Variants in COL4A4 observed in about 807,000 individuals in gnomAD.
COL4A4 encodes the protein collagen type IV alpha 4 chain, also known as collagen alpha-4(IV) chain.
Under a neutral mutation model 192.9 loss-of-function variants are expected in COL4A4, and 105 were observed. The observed-to-expected ratio is 0.54, with a 90% CI of 0.46 to 0.64. COL4A4 has a LOEUF of 0.64. COL4A4 is among the 30% of genes least tolerant of loss of function. The pLI, the probability that COL4A4 is intolerant of heterozygous loss-of-function variation, is 0.00. For synonymous variants in COL4A4, 762 were observed against 769.9 expected, an observed-to-expected ratio of 0.99 and a Z score of 0.17; for missense variants, 1,967 against 2,169.3, an observed-to-expected ratio of 0.91 and a Z score of 1.85.
chr2:227,101,177 C>T (rs889149338), intron 17 of COL4A4, among the ~76,000 whole-genome samples: 6 of 152,048 alleles, frequency 3.9e-5, no homozygotes, highest in Admixed American at 6.6e-5. Context: ...AGGAGTTTCC[C>T]TGTACAAACT....
At chr2:226,987,546 C>G in the COL4A4 span, among the ~76,000 whole-genome samples, 1 of 152,242 alleles carries the variant, frequency 6.6e-6, no homozygotes, top group Non-Finnish European at 1.5e-5. Flanking sequence ...CATTTGCACT[C>G]TCCCATCTCT....
chr2:226,995,870 C>T, the COL4A4 span: 9 of 236,850 alleles, frequency 3.8e-5, no homozygotes, highest in East Asian at 1.0e-4. Flanking sequence ...TTACACCAGT[C>T]GGGAAGATTA....
intron 37 of COL4A4, among the ~76,000 whole-genome samples, chr2:227,034,546 T>C (rs1969150128): frequency 6.6e-6 from 1 of 151,402 alleles, no homozygotes; most frequent in Non-Finnish European, 1.5e-5. Context: ...CTGTTCTTTT[T>C]TTTTTTTAAT....
intron 4 of COL4A4, among the ~76,000 whole-genome samples, chr2:227,137,076 G>C (rs1421278706): frequency 6.6e-6 from 1 of 152,184 alleles, no homozygotes; most frequent in Non-Finnish European, 1.5e-5. Context: ...GAAGACCACA[G>C]GCTCCCTGTT....
the COL4A4 span, among the ~76,000 whole-genome samples, chr2:226,977,612 G>A: frequency 9.9e-5 from 15 of 152,160 alleles, no homozygotes; most frequent in African/African-American, 3.6e-4. Flanking sequence ...AGGATCAAAC[G>A]CTGCACAGGG....
chr2:227,128,497 C>T (rs912427328), intron 4 of COL4A4, among the ~76,000 whole-genome samples: 7 of 152,152 alleles, frequency 4.6e-5, no homozygotes, highest in Non-Finnish European at 7.3e-5. Flanking sequence ...GTTAATTCAT[C>T]TCACACATTG....
intron 1 of COL4A4, among the ~76,000 whole-genome samples, chr2:227,161,541 C>T (rs1412223910): frequency 6.6e-6 from 1 of 152,088 alleles, no homozygotes; most frequent in Non-Finnish European, 1.5e-5. Flanking sequence ...TTAATTAACA[C>T]CACCTGTTTG....
chr2:227,030,315 A>G, intron 41 of COL4A4, 128 bp downstream of exon 41: 1 of 1,046,662 alleles, frequency 9.6e-7, no homozygotes, highest in Non-Finnish European at 1.5e-6. Context: ...CTTTGGGGAA[A>G]TAAGGACATT....
chr2:227,013,369 G>A (rs1194665008), intron 44 of COL4A4, among the ~76,000 whole-genome samples: 2 of 152,110 alleles, frequency 1.3e-5, no homozygotes, highest in Admixed American at 1.3e-4. Flanking sequence ...CCTAGTCCCC[G>A]TATCTCAGAA....
intron 33 of COL4A4, among the ~76,000 whole-genome samples, chr2:227,050,552 G>T (rs1197018016): frequency 6.6e-6 from 1 of 152,180 alleles, no homozygotes; most frequent in Non-Finnish European, 1.5e-5. Context: ...TACATGTATT[G>T]TACCTCCTGG....
chr2:227,076,002 GA>G (rs1465402955), intron 25 of COL4A4, among the ~76,000 whole-genome samples: 1 of 152,024 alleles, frequency 6.6e-6, no homozygotes, highest in African/African-American at 2.4e-5. Context: ...CAAACAAATG[GA>G]AAAACATTAT....
intron 16 of COL4A4, 61 bp from the exon 17 acceptor site, chr2:227,101,618 T>C (rs1341043002): frequency 9.3e-6 from 14 of 1,497,486 alleles, no homozygotes; most frequent in Non-Finnish European, 1.3e-5. Context: ...AATTATCTCA[T>C]TCTCATTTAA....
chr2:227,071,929 T>A (rs2058746454), intron 25 of COL4A4, among the ~76,000 whole-genome samples: 2 of 152,202 alleles, frequency 1.3e-5, no homozygotes, highest in Middle Eastern at 6.8e-3. Flanking sequence ...TAGTGCTAAC[T>A]GCCTACATCA....
chr2:227,013,564 A>T (rs566858863), intron 44 of COL4A4, among the ~76,000 whole-genome samples: 1 of 152,282 alleles, frequency 6.6e-6, no homozygotes, highest in South Asian at 2.1e-4. Context: ...GGACACAGGA[A>T]GATGGTGGCA....
At chr2:227,114,243 A>C (rs2061369637) in intron 8 of COL4A4, among the ~76,000 whole-genome samples, 1 of 152,236 alleles carries the variant, frequency 6.6e-6, no homozygotes, top group Non-Finnish European at 1.5e-5. Flanking sequence ...TGGGGAGTTC[A>C]GAGGTGGGGG....
At chr2:227,015,711 G>A (rs554042656) in intron 44 of COL4A4, among the ~76,000 whole-genome samples, 1 of 152,144 alleles carries the variant, frequency 6.6e-6, no homozygotes, top group Non-Finnish European at 1.5e-5. Context: ...AATAATTGGT[G>A]AAGGTAGTGG....
At chr2:227,052,155 C>T (rs1261800368) in intron 32 of COL4A4, 150 bp downstream of exon 32, 3 of 586,114 alleles carry the variant, frequency 5.1e-6, no homozygotes, top group Non-Finnish European at 9.4e-6. Context: ...GGTGCCACTG[C>T]ACTCCAGCCT....
At chr2:227,091,923 AAAGAAAAG>A (rs1422417910) in intron 20 of COL4A4, among the ~76,000 whole-genome samples, 3 of 15,560 alleles carry the variant, frequency 1.9e-4, no homozygotes, top group Admixed American at 7.7e-4. Context: ...AGAAAGAAAG[AAAGAAAAG>A]AAAAGAAAAG....
chr2:227,112,870 ATGT>A (rs2061296774), intron 8 of COL4A4, among the ~76,000 whole-genome samples: 2 of 152,310 alleles, frequency 1.3e-5, no homozygotes, highest in South Asian at 2.1e-4. Context: ...AGGTTCATCC[ATGT>A]TGTTGTATGT....
Sources: allele counts gnomAD v4.1 joint callset (sites outside exome capture counted in the v4.1 genomes callset), GRCh38; gene constraint gnomAD v4.1.1; transcripts MANE v1.5; gene names NCBI Gene and HGNC (gene_info 2026-07-23, HGNC 2026-07-21).